RAD51B: variants seen among roughly 807,000 people sequenced by gnomAD.
The protein encoded by RAD51B is RAD51 paralog B.
A neutral mutation model predicts 42.2 loss-of-function variants in RAD51B; 38 were observed. The ratio of observed to expected loss-of-function variants is 0.90; its 90% CI spans 0.70 to 1.18. RAD51B has a LOEUF of 1.18. Among genes scored for constraint, RAD51B ranks in the 50% most tolerant of loss-of-function variants. The pLI, the probability that RAD51B is intolerant of heterozygous loss-of-function variation, is 0.00. For synonymous variants in RAD51B, 154 were observed against 145.2 expected (o/e 1.06, Z -0.43); for missense variants, 373 against 400.7 (o/e 0.93, Z 0.59).
chr14:68,034,311 AC>A (rs1283169585), intron 7 of RAD51B, among the ~76,000 whole-genome samples: 3 of 149,664 alleles, frequency 2.0e-5, no homozygotes, highest in Non-Finnish European at 4.4e-5. Flanking sequence ...TTGCTCTATT[AC>A]CCAGGTTGGA....
At chr14:67,976,306 T>TG (rs1218188486) in intron 7 of RAD51B, among the ~76,000 whole-genome samples, 4 of 151,886 alleles carry the variant, frequency 2.6e-5, no homozygotes, top group African/African-American at 9.7e-5. Context: ...TTCGTAGTGA[T>TG]GGGGTCTCCC....
intron 10 of RAD51B, among the ~76,000 whole-genome samples, chr14:68,486,235 C>G (rs939776573): frequency 1.3e-5 from 2 of 152,146 alleles, no homozygotes; most frequent in African/African-American, 2.4e-5. Flanking sequence ...TATCTAGTGA[C>G]TAGAATTGCA....
chr14:68,640,481 T>C (rs1892437352), intron 10 of RAD51B, among the ~76,000 whole-genome samples: 1 of 152,230 alleles, frequency 6.6e-6, no homozygotes, highest in African/African-American at 2.4e-5. Context: ...AAACATTTAT[T>C]GTATATCTAC....
chr14:68,282,278 C>T (rs2139629397), intron 7 of RAD51B, among the ~76,000 whole-genome samples: 1 of 152,312 alleles, frequency 6.6e-6, no homozygotes, highest in South Asian at 2.1e-4. Flanking sequence ...CCACCATGCC[C>T]AGCCTCAGGA....
chr14:68,465,962 ATAAATAAAT>A (rs1165738646), intron 9 of RAD51B, among the ~76,000 whole-genome samples: 6 of 98,442 alleles, frequency 6.1e-5, no homozygotes, highest in Non-Finnish European at 1.6e-4. Context: ...AAATAAATAA[ATAAATAAAT>A]AAATAAATAA....
chr14:68,672,842 A>T (rs1893187485), intron 11 of RAD51B, among the ~76,000 whole-genome samples: 1 of 152,218 alleles, frequency 6.6e-6, no homozygotes, highest in Non-Finnish European at 1.5e-5. Flanking sequence ...TGTTACAGGC[A>T]TTACCTTTCT....
chr14:67,864,999 T>TTTTTTTTTAATG lies in RAD51B; in HGVS notation c.316-3_316-2insTTTTTTTAATGT. The TTTTTTTTTAATG allele has an allele frequency of 8.0e-7, 1 of 1,256,498 alleles. No homozygotes were observed. The highest frequency in any genetic ancestry group is 1.0e-6 in the Non-Finnish European group (1 of 987,694). The allele number at this position is 1,256,498 out of a possible 1,614,324, so 77.8% of individuals were successfully genotyped here. A position where few individuals can be genotyped will look rare whatever the true frequency, so the allele number is the denominator to read the frequency against. On this transcript the variant is annotated splice_region_variant and splice_polypyrimidine_tract_variant and intron_variant, in intron 4 of 10. Transcript: ENST00000471583. Reference sequence around the variant, plus strand: ...TTTTTTTTTTTTTTTTTTTTTTTTTTTAGATTACAGGTCCACCAGGTTGTG... The same window carrying TTTTTTTTTAATG: ...TTTTTTTTTTTTTTTTTTTTTTTTTTTTTTTTTTAATGTAGATTACAGGTCCACCAGGTTGTG...
chr14:68,185,786 G>C (rs1222464747), intron 7 of RAD51B, among the ~76,000 whole-genome samples: 1 of 152,122 alleles, frequency 6.6e-6, no homozygotes, highest in Non-Finnish European at 1.5e-5. Context: ...AATAGGATTC[G>C]TGTTCCTAAG....
intron 10 of RAD51B, among the ~76,000 whole-genome samples, chr14:68,645,304 C>T (rs1892542059): frequency 6.6e-6 from 1 of 152,174 alleles, no homozygotes; most frequent in African/African-American, 2.4e-5. Context: ...AAAGTTCAAG[C>T]ATGTTGTAGC....
At chr14:68,068,784 G>A (rs187670766) in intron 7 of RAD51B, among the ~76,000 whole-genome samples, 61 of 152,204 alleles carry the variant, frequency 4.0e-4, no homozygotes, top group African/African-American at 1.4e-3. Context: ...ACTTATTATT[G>A]TATATCTTCC....
At chr14:67,930,027 G>A (rs1304195107) in intron 7 of RAD51B, among the ~76,000 whole-genome samples, 1 of 151,846 alleles carries the variant, frequency 6.6e-6, no homozygotes, top group Non-Finnish European at 1.5e-5. Flanking sequence ...CTCACTTTTG[G>A]TTTCCGTTTG....
chr14:67,885,788 A>G (rs2043042165), intron 5 of RAD51B, 81 bp from the exon 6 acceptor site: 1 of 1,497,952 alleles, frequency 6.7e-7, no homozygotes, highest in African/African-American at 1.4e-5. Context: ...GAGTTTCTCA[A>G]GTAAAATTAA....
Position 67,953,135 on chromosome 14 carries a change from A to G in RAD51B, c.756+65931A>G, listed in dbSNP as rs550726659. On this transcript the variant is annotated intron_variant, in intron 7 of 10. Transcript: ENST00000471583. Reference sequence around the variant, plus strand: ...AACATCTATAGAAAAAGCAGAATCAACCATCTAAGAGGACTGTGTAGACAA... The same window carrying G: ...AACATCTATAGAAAAAGCAGAATCAGCCATCTAAGAGGACTGTGTAGACAA... 6.6e-5 allele frequency among the ~76,000 whole-genome samples: 10 copies of G among 152,312 alleles called. No homozygotes were observed. The East Asian group carries it at 1.5e-3, about 23-fold the overall frequency.
At chr14:68,647,177 T>A (rs2140134851) in intron 10 of RAD51B, among the ~76,000 whole-genome samples, 1 of 152,350 alleles carries the variant, frequency 6.6e-6, no homozygotes, top group South Asian at 2.1e-4. Flanking sequence ...ACCTGTTGAT[T>A]TTTTTCATTC....
At chr14:68,125,585 T>C (rs1038426029) in intron 7 of RAD51B, among the ~76,000 whole-genome samples, 2 of 152,200 alleles carry the variant, frequency 1.3e-5, no homozygotes, top group African/African-American at 4.8e-5. Flanking sequence ...GGCAGAGCAC[T>C]TTGGTTAATG....
chr14:67,998,214 A>G (rs891101557), intron 7 of RAD51B, among the ~76,000 whole-genome samples: 2 of 152,228 alleles, frequency 1.3e-5, no homozygotes, highest in African/African-American at 4.8e-5. Flanking sequence ...GCTTACTGCC[A>G]GTGCTTTTTT....
At chr14:67,995,973 A>G (rs2075377472) in intron 7 of RAD51B, among the ~76,000 whole-genome samples, 1 of 152,130 alleles carries the variant, frequency 6.6e-6, no homozygotes, top group South Asian at 2.1e-4. Flanking sequence ...CAATTTATTC[A>G]TTCAAGGAGT....
At chr14:68,454,940 G>A (rs2085648259) in intron 9 of RAD51B, among the ~76,000 whole-genome samples, 2 of 152,222 alleles carry the variant, frequency 1.3e-5, no homozygotes, top group African/African-American at 4.8e-5. Context: ...GGCTTTGTAA[G>A]AGCTGAGAAA....
chr14:68,333,110 T>C (rs2082381364), intron 8 of RAD51B, among the ~76,000 whole-genome samples: 1 of 152,206 alleles, frequency 6.6e-6, no homozygotes, highest in South Asian at 2.1e-4. Flanking sequence ...CTGCATATAC[T>C]GCTCTGCTAC....
Sources: allele counts gnomAD v4.1 joint callset (sites outside exome capture counted in the v4.1 genomes callset), GRCh38; gene constraint gnomAD v4.1.1; transcripts MANE v1.5; gene names NCBI Gene and HGNC (gene_info 2026-07-23, HGNC 2026-07-21).